Variants in TMEM63B observed in about 807,000 individuals in gnomAD.
TMEM63B encodes the protein mechanosensitive cation channel TMEM63B.
Under a neutral mutation model 102.6 loss-of-function variants are expected in TMEM63B, and 23 were observed. The observed-to-expected ratio is 0.22, with a 90% CI of 0.16 to 0.32. The LOEUF is 0.32. Among genes scored for constraint, TMEM63B ranks in the 10% least tolerant of loss-of-function variants. The pLI is 1.00. For synonymous variants in TMEM63B, 444 were observed against 437.0 expected, an observed-to-expected ratio of 1.02 and a Z score of -0.20; for missense variants, 628 against 1,095.9, an observed-to-expected ratio of 0.57 and a Z score of 6.03.
chr6:44,152,733 C>T lies in TMEM63B; in HGVS notation c.1942+35C>T, dbSNP rs752764118. Reference sequence around the variant, plus strand: ...GCCGCGCCGGGACCTGGGCCCTGCTCGGGGGGACCCAGGACTTCACCCTCT... The same window carrying T: ...GCCGCGCCGGGACCTGGGCCCTGCTTGGGGGGACCCAGGACTTCACCCTCT... On this transcript the variant is annotated intron_variant, in intron 20 of 23. Transcript: ENST00000323267. The surrounding 1 kb of genome is among the most constrained non-coding windows in gnomAD (Gnocchi z 6.4). The T allele has an allele frequency of 7.8e-6, 12 of 1,544,074 alleles. No individual in the cohort carries two copies. Among genetic ancestry groups the T allele is most frequent in the South Asian group, 2.2e-5 (2 of 89,458 alleles).
chr6:44,134,495 G>A (rs943522817), intron 1 of TMEM63B, 66 bp from the exon 2 acceptor site: 11 of 1,512,066 alleles, frequency 7.3e-6, no homozygotes, highest in African/African-American at 4.1e-5. Flanking sequence ...CCCTCCCCAC[G>A]CCCACCCTAC....
At chr6:44,130,683 T>C (rs1343254829) in intron 1 of TMEM63B, among the ~76,000 whole-genome samples, 1 of 151,216 alleles carries the variant, frequency 6.6e-6, no homozygotes, top group East Asian at 2.0e-4. Context: ...ACTCCTGGGC[T>C]GACGTGATTC....
chr6:44,147,030 G>C, intron 11 of TMEM63B, 103 bp downstream of exon 11: 13 of 1,303,482 alleles, frequency 1.0e-5, no homozygotes, highest in Non-Finnish European at 1.4e-5. Context: ...TTTTCCTAGG[G>C]CATTTGATTT....
Position 44,152,257 on chromosome 6 carries a change from G to A in TMEM63B, c.1836+249G>A, listed in dbSNP as rs1582827183. On this transcript the variant is annotated intron_variant, in intron 19 of 23. Transcript: ENST00000323267. This position sits in a 1 kb window ranked among gnomAD's most constrained non-coding sequence, Gnocchi z 6.4. ...AGCATTCTATGATGGGAGTTGGGGA[G>A]ATCTGGGTCCCTAGCGCTAGGGTCC... Among the ~76,000 whole-genome samples the A allele has an allele frequency of 6.6e-6, 1 of 152,098 alleles. No homozygotes were observed. Among genetic ancestry groups the A allele is most frequent in the African/African-American group, 2.4e-5 (1 of 41,408 alleles).
chr6:44,135,448 A>G, intron 4 of TMEM63B, 82 bp downstream of exon 4: 2 of 1,508,560 alleles, frequency 1.3e-6, no homozygotes, highest in Non-Finnish European at 1.8e-6. Context: ...CTTCCTGCCA[A>G]GTTGCTGGTT....
In TMEM63B at chr6:44,136,456, C is replaced by CA; in HGVS notation, c.369+20dup. On this transcript the variant is annotated intron_variant, in intron 5 of 23. Transcript: ENST00000323267. ...AGGGACAATGTGAGTGCCCTCCCCC[C>CA]AAACTTCTTAGTCCCCCACCCCACC... 2 of 1,599,076 alleles carry CA rather than the reference C, an allele frequency of 1.3e-6. No individual in the cohort carries two copies. Among genetic ancestry groups the CA allele is most frequent in the Non-Finnish European group, 8.6e-7 (1 of 1,168,752 alleles).
intron 10 of TMEM63B, among the ~76,000 whole-genome samples, chr6:44,146,097 G>A (rs189687061): frequency 6.6e-6 from 1 of 152,320 alleles, no homozygotes; most frequent in Non-Finnish European, 1.5e-5. Context: ...TGTAGACTGG[G>A]TTATGGGTTG....
chr6:44,131,208 G>A (rs1403578495), intron 1 of TMEM63B, among the ~76,000 whole-genome samples: 4 of 151,516 alleles, frequency 2.6e-5, no homozygotes, highest in Admixed American at 2.0e-4. Context: ...GTGAGCCACC[G>A]TGCCTGGCAC....
chr6:44,128,053 C>T (rs1777545049), intron 1 of TMEM63B, among the ~76,000 whole-genome samples: 1 of 151,518 alleles, frequency 6.6e-6, no homozygotes, highest in Non-Finnish European at 1.5e-5. Context: ...GCCTGTCCGC[C>T]GCCGTTTGGG....
chr6:44,146,190 A>C (rs980812913), intron 10 of TMEM63B, among the ~76,000 whole-genome samples: 23 of 152,188 alleles, frequency 1.5e-4, no homozygotes, highest in African/African-American at 5.5e-4. Context: ...TATATAGCCT[A>C]TGACTAGATG....
At chr6:44,149,714 C>A in intron 15 of TMEM63B, 145 bp from the exon 16 acceptor site, 1 of 646,712 alleles carries the variant, frequency 1.5e-6, no homozygotes, top group Non-Finnish European at 2.7e-6. Context: ...CACCCTCACC[C>A]CAGCCCTCCG....
In TMEM63B at chr6:44,150,419, G is replaced by C; in HGVS notation, c.1607+109G>C. On this transcript the variant is annotated intron_variant, in intron 17 of 23. Transcript: ENST00000323267. The surrounding 1 kb of genome is among the most constrained non-coding windows in gnomAD (Gnocchi z 4.7). ...CCTACAAAGCAAGGGGCCCAAGATG[G>C]GAAGCCTGGCCACCCCCAGGCCTCC... is the stretch of plus-strand genomic sequence containing the variant. The C allele has an allele frequency of 6.8e-7, 1 of 1,460,954 alleles. No homozygotes were observed. Among genetic ancestry groups the C allele is most frequent in the Admixed American group, 1.7e-5 (1 of 58,806 alleles). The allele number at this position is 1,460,954 out of a possible 1,614,324, so 90.5% of individuals were successfully genotyped here.
intron 21 of TMEM63B, 68 bp downstream of exon 21, chr6:44,153,911 G>A (rs938155545): frequency 4.0e-5 from 63 of 1,582,044 alleles, no homozygotes; most frequent in Non-Finnish European, 5.2e-5. Flanking sequence ...GCAGGCCACA[G>A]GAGAAGCCGC....
At chr6:44,134,875 G>T in intron 2 of TMEM63B, 132 bp downstream of exon 2, 1 of 1,492,668 alleles carries the variant, frequency 6.7e-7, no homozygotes, top group Non-Finnish European at 9.1e-7. Context: ...CCATCATCCA[G>T]CCCAAGCCTC....
At position 44,152,649 on chromosome 6, in the gene TMEM63B, C is replaced by T. The variant is rs759635688; in HGVS notation, c.1893C>T (p.Phe631=). The T allele has an allele frequency of 3.9e-5, 63 of 1,608,350 alleles. No individual in the cohort carries two copies. Among genetic ancestry groups the T allele is most frequent in the Non-Finnish European group, 5.1e-5 (60 of 1,180,012 alleles). Residue 631 remains phenylalanine, a synonymous_variant, in exon 20 of 24, where the codon TTC becomes TTT. Coordinates refer to ENST00000323267, the MANE Select transcript of TMEM63B (RefSeq NM_018426.3). This position sits in a 1 kb window ranked among gnomAD's most constrained non-coding sequence, Gnocchi z 6.4. ...CCTACGCCTGGATGATGTGCGTCTT[C>T]ACGGTGGTCATGACCTACAGTATCA... ...GAAYAWMMCV[F]TVVMTYSITC... is the part of the protein sequence containing the mutation.
rs767740015 is a variant in TMEM63B, at chr6:44,150,293, C to T, written c.1590C>T (p.Pro530=). ...TFLIFMVLLL[P]SLGLSSLDLF... ...TCATCTTCATGGTGCTGCTCCTACC[C>T]TCGCTGGGACTGAGCAGGTGAGTTG... Residue 530 remains proline, a synonymous_variant, in exon 17 of 24, where the codon CCC becomes CCT. Coordinates refer to ENST00000323267, the MANE Select transcript of TMEM63B (RefSeq NM_018426.3). This position sits in a 1 kb window ranked among gnomAD's most constrained non-coding sequence, Gnocchi z 4.7. The T allele has an allele frequency of 1.7e-5, 27 of 1,613,976 alleles. No individual in the cohort carries two copies. In the Admixed American group the frequency reaches 2.8e-4, roughly 17 times the overall value.
chr6:44,150,334 G>T lies in TMEM63B; in HGVS notation c.1607+24G>T, dbSNP rs201093056. ...AGGTGAGTTGAGAAGGATGGGGCAG[G>T]AGCCAGGGTAGGGGGACAGCAGGAT... is the stretch of plus-strand genomic sequence containing the variant. On this transcript the variant is annotated intron_variant, in intron 17 of 23. Coordinates refer to ENST00000323267, the MANE Select transcript of TMEM63B (RefSeq NM_018426.3). This position sits in a 1 kb window ranked among gnomAD's most constrained non-coding sequence, Gnocchi z 4.7. 5.6e-6 allele frequency: 9 copies of T among 1,607,580 alleles called. No individual in the cohort carries two copies. In the East Asian group the frequency reaches 1.3e-4, roughly 24 times the overall value.
In TMEM63B at chr6:44,152,083, T is replaced by G; in HGVS notation, c.1836+75T>G. On this transcript the variant is annotated intron_variant, in intron 19 of 23. Transcript: ENST00000323267. The surrounding 1 kb of genome is among the most constrained non-coding windows in gnomAD (Gnocchi z 6.4). The stretch of plus-strand genomic sequence containing the variant: ...CAACAAGAAACAGCAGCCATCGCGC[T>G]AGGGTTGAGGGGCACAGGAGGGCTG... 1 of 1,498,814 alleles carries G rather than the reference T, an allele frequency of 6.7e-7. No individual in the cohort carries two copies. 92.8% of individuals were successfully genotyped at this position (1,498,814 alleles called of 1,614,324 possible).
rs181090714 is a variant in TMEM63B at position 44,151,136 on chromosome 6, C to T, written c.1673+507C>T. Among the ~76,000 whole-genome samples, 318 of 151,678 alleles carry T rather than the reference C, an allele frequency of 2.1e-3. 3 individuals are homozygous for T. The highest frequency in any genetic ancestry group is 7.2e-3 in the African/African-American group (298 of 41,322). ...TTATAACTCTGGGGGTGTCTGTGGG[C>T]GGGGAGGCTAAAGGACTCACACTTT... is the stretch of plus-strand genomic sequence containing the variant. On this transcript the variant is annotated intron_variant, in intron 18 of 23. Coordinates refer to ENST00000323267, the MANE Select transcript of TMEM63B (RefSeq NM_018426.3).
Sources: allele counts gnomAD v4.1 joint callset (sites outside exome capture counted in the v4.1 genomes callset), GRCh38; gene constraint gnomAD v4.1.1; non-coding constraint Gnocchi (gnomAD v3.1); transcripts MANE v1.5; gene names NCBI Gene and HGNC (gene_info 2026-07-23, HGNC 2026-07-21).